SMG6: variants seen among roughly 807,000 people sequenced by gnomAD.
SMG6 encodes SMG6 nonsense mediated mRNA decay factor, also known as telomerase-binding protein EST1A.
Under a neutral mutation model 142.2 loss-of-function variants are expected in SMG6, and 66 were observed. The ratio of observed to expected loss-of-function variants is 0.46; its 90% confidence interval spans 0.38 to 0.57. The LOEUF is 0.57. Ranked by LOEUF, SMG6 falls within the 20% of genes least tolerant of loss-of-function variation. SMG6 has a pLI of 0.00. For synonymous variants in SMG6, 779 were observed against 702.4 expected (o/e 1.11, Z -1.72); for missense variants, 1,793 against 1,832.0 (o/e 0.98, Z 0.39).
intron 8 of SMG6, among the ~76,000 whole-genome samples, chr17:2,278,357 T>C (rs2074708660): frequency 6.6e-6 from 1 of 151,934 alleles, no homozygotes; most frequent in Non-Finnish European, 1.5e-5. Flanking sequence ...CAGACACCAC[T>C]ATGCCCAGGT....
intron 1 of SMG6, among the ~76,000 whole-genome samples, chr17:2,302,258 A>C (rs1447113289): frequency 6.9e-6 from 1 of 144,460 alleles, no homozygotes; most frequent in Non-Finnish European, 1.5e-5. Context: ...GCCTCAAAAA[A>C]ATTGGCCGGG....
chr17:2,112,607 T>C (rs2069372168), intron 13 of SMG6, among the ~76,000 whole-genome samples: 1 of 150,420 alleles, frequency 6.6e-6, no homozygotes, highest in Non-Finnish European at 1.5e-5. Flanking sequence ...GCATTTGAAT[T>C]GAAATGTAAA....
intron 13 of SMG6, among the ~76,000 whole-genome samples, chr17:2,138,540 C>G (rs2070377062): frequency 6.6e-6 from 1 of 152,164 alleles, no homozygotes; most frequent in South Asian, 2.1e-4. Flanking sequence ...AAAACACTAT[C>G]CAGCTACAGG....
chr17:2,083,273 G>A (rs2068472840), intron 14 of SMG6, among the ~76,000 whole-genome samples: 1 of 152,226 alleles, frequency 6.6e-6, no homozygotes, highest in African/African-American at 2.4e-5. Flanking sequence ...TATACAGATG[G>A]AATCTCTTGA....
At chr17:2,184,009 T>C (rs1486749973) in intron 12 of SMG6, among the ~76,000 whole-genome samples, 2 of 152,056 alleles carry the variant, frequency 1.3e-5, no homozygotes, top group Non-Finnish European at 2.9e-5. Context: ...CAGGAACACA[T>C]ACTCACAGAC....
chr17:2,289,018 G>C (rs1468786640), intron 6 of SMG6, among the ~76,000 whole-genome samples: 1 of 148,796 alleles, frequency 6.7e-6, no homozygotes, highest in Non-Finnish European at 1.5e-5. Flanking sequence ...GGTGGAGCTC[G>C]CAGTGAGCCG....
intron 13 of SMG6, among the ~76,000 whole-genome samples, chr17:2,171,858 T>C (rs1330555394): frequency 2.0e-5 from 3 of 152,020 alleles, no homozygotes; most frequent in Non-Finnish European, 4.4e-5. Context: ...GATGTGATCC[T>C]CACTACTCTG....
intron 6 of SMG6, among the ~76,000 whole-genome samples, chr17:2,285,142 T>C (rs1040139542): frequency 6.6e-6 from 1 of 152,250 alleles, no homozygotes. Context: ...CTCACTTGTT[T>C]TCTCAACACA....
intron 13 of SMG6, chr17:2,128,003 C>A (rs1291919543): frequency 8.4e-6 from 4 of 477,860 alleles, no homozygotes; most frequent in South Asian, 1.7e-5. Context: ...GAACGAGTGT[C>A]AAAGGAGAGC....
intron 13 of SMG6, among the ~76,000 whole-genome samples, chr17:2,103,873 A>G (rs2069079412): frequency 1.3e-5 from 2 of 152,182 alleles, no homozygotes; most frequent in African/African-American, 2.4e-5. Flanking sequence ...AAGTCGTCTC[A>G]AGATTAGTCT....
At chr17:2,077,296 G>A (rs149570338) in intron 15 of SMG6, among the ~76,000 whole-genome samples, 91 of 152,342 alleles carry the variant, frequency 6.0e-4, no homozygotes, top group African/African-American at 2.0e-3. Flanking sequence ...ACTGGAACAT[G>A]AGACATGATG....
intron 13 of SMG6, among the ~76,000 whole-genome samples, chr17:2,113,709 C>A (rs577042557): frequency 2.1e-4 from 32 of 152,332 alleles, no homozygotes; most frequent in African/African-American, 7.5e-4. Context: ...CCTTTCCTTT[C>A]CTGGACCTTT....
At chr17:2,163,940 T>C (rs1182736540) in intron 13 of SMG6, among the ~76,000 whole-genome samples, 2 of 151,832 alleles carry the variant, frequency 1.3e-5, no homozygotes, top group South Asian at 2.1e-4. Context: ...CAGGTGCTTG[T>C]AGTCCCAGCT....
chr17:2,100,187 G>C (rs2068967473), intron 13 of SMG6, among the ~76,000 whole-genome samples: 1 of 152,144 alleles, frequency 6.6e-6, no homozygotes, highest in South Asian at 2.1e-4. Context: ...ACAGGCAAGT[G>C]CCACCATACC....
intron 13 of SMG6, among the ~76,000 whole-genome samples, chr17:2,089,275 G>A (rs554754649): frequency 3.3e-5 from 5 of 152,266 alleles, no homozygotes; most frequent in African/African-American, 4.8e-5. Flanking sequence ...AGAGCTGGGC[G>A]GGAGAGGCTC....
chr17:2,182,181 G>A (rs898748), intron 12 of SMG6, among the ~76,000 whole-genome samples: 3 of 151,950 alleles, frequency 2.0e-5, no homozygotes, highest in Admixed American at 6.5e-5. Context: ...TGGCATTTTC[G>A]TTCCAAAACT....
At chr17:2,130,561 C>T (rs1228435465) in intron 13 of SMG6, among the ~76,000 whole-genome samples, 4 of 151,762 alleles carry the variant, frequency 2.6e-5, no homozygotes, top group African/African-American at 4.8e-5. Context: ...GGAACAAAGA[C>T]ATAAATGTAA....
rs746635212 is a variant in SMG6 at position 2,269,219 on chromosome 17, CA to C, written c.2661+13427del. Among the ~76,000 whole-genome samples the C allele has an allele frequency of 8.9e-3, 736 of 82,608 alleles. 5 individuals carry two copies. Among genetic ancestry groups the C allele is most frequent in the Middle Eastern group, 0.016 (2 of 124 alleles). 54.2% of individuals were successfully genotyped at this position (82,608 alleles called of 152,430 possible). ...TGGGCGACAGAGCCAGACTCCATCT[CA>C]AAAAAAAAAAAAAAAAAAAAATTAG... On this transcript the variant is annotated intron_variant, in intron 8 of 18. Coordinates refer to ENST00000263073, the MANE Select transcript of SMG6 (RefSeq NM_017575.5).
chr17:2,158,070 GA>G (rs1306314233), intron 13 of SMG6, among the ~76,000 whole-genome samples: 3 of 152,202 alleles, frequency 2.0e-5, no homozygotes, highest in Non-Finnish European at 2.9e-5. Flanking sequence ...ACATTGAAAA[GA>G]AGGGAAGAAG....
Sources: allele counts gnomAD v4.1 joint callset (sites outside exome capture counted in the v4.1 genomes callset), GRCh38; gene constraint gnomAD v4.1.1; transcripts MANE v1.5; gene names NCBI Gene and HGNC (gene_info 2026-07-23, HGNC 2026-07-21).